Variants in SPAG9 observed in about 807,000 individuals in gnomAD.
SPAG9 encodes the protein sperm associated antigen 9.
SPAG9 carries 35 observed loss-of-function variants against 166.5 expected under a neutral mutation model. The ratio of observed to expected loss-of-function variants is 0.21; its 90% CI spans 0.16 to 0.28. SPAG9 has a LOEUF of 0.28. Among genes scored for constraint, SPAG9 ranks in the 10% least tolerant of loss-of-function variants. SPAG9 has a pLI of 1.00. For missense variants in SPAG9, 1,235 were observed against 1,603.3 expected (o/e 0.77, Z 3.92); for synonymous variants, 534 against 565.5 (o/e 0.94, Z 0.79).
At chr17:50,973,257 G>A (rs1026607925) in intron 28 of SPAG9, among the ~76,000 whole-genome samples, 7 of 152,014 alleles carry the variant, frequency 4.6e-5, no homozygotes, top group African/African-American at 1.7e-4. Flanking sequence ...CAAAAACAGG[G>A]GCAAGAGGAT....
chr17:51,069,693 T>C (rs774053857), intron 2 of SPAG9, among the ~76,000 whole-genome samples: 15 of 152,298 alleles, frequency 9.8e-5, no homozygotes, highest in Non-Finnish European at 2.2e-4. Flanking sequence ...GAGTGCTTAT[T>C]CTTATGACCA....
intron 23 of SPAG9, 85 bp from the exon 24 acceptor site, chr17:50,985,075 C>T (rs551955217): frequency 1.9e-4 from 212 of 1,126,628 alleles, no homozygotes; most frequent in Middle Eastern, 7.9e-4. Flanking sequence ...CAAGGCCTCA[C>T]AAAGGGCCAA....
chr17:51,031,718 C>T lies in SPAG9; in HGVS notation c.746G>A (p.Ser249Asn). ...AGCCTTCTGAGGTTCAGGACTATTG[C>T]TGACCTAGGAAGAGGGAAGATTATA... is the stretch of plus-strand genomic sequence containing the variant. The part of the protein sequence containing the change: ...QPRSHTSLKV[S>N]NSPEPQKAVE... Residue 249 changes from serine (S) to asparagine (N), a missense_variant, in exon 6 of 30, where the codon AGC (serine) becomes AAC (asparagine). By Grantham distance (46) the Ser-to-Asn change is conservative. This residue lies in a region of SPAG9 where 288 missense variants were observed against 323.7 expected (regional missense o/e 0.89). Transcript: ENST00000262013. 6.4e-7 allele frequency: 1 copy of T among 1,550,572 alleles called. No homozygotes were observed. Among genetic ancestry groups the T allele is most frequent in the Non-Finnish European group, 8.7e-7 (1 of 1,146,162 alleles).
At chr17:51,112,996 G>GA (rs200779245) in intron 1 of SPAG9, among the ~76,000 whole-genome samples, 52 of 142,150 alleles carry the variant, frequency 3.7e-4, no homozygotes, top group East Asian at 1.0e-3. Context: ...CCAACCAAAG[G>GA]AAAAAAAAAT....
intron 1 of SPAG9, among the ~76,000 whole-genome samples, chr17:51,112,586 G>A (rs1019440236): frequency 2.8e-5 from 4 of 142,904 alleles, no homozygotes; most frequent in Non-Finnish European, 6.0e-5. Context: ...CAAGAGAATC[G>A]CTTGAACCCA....
intron 2 of SPAG9, among the ~76,000 whole-genome samples, chr17:51,065,750 A>G (rs1023438771): frequency 5.3e-5 from 8 of 152,200 alleles, no homozygotes; most frequent in Non-Finnish European, 1.5e-5. Context: ...ACTTATAGCC[A>G]CTGAAGTAGT....
chr17:51,046,278 T>C (rs1291435594), intron 4 of SPAG9, among the ~76,000 whole-genome samples: 1 of 152,180 alleles, frequency 6.6e-6, no homozygotes, highest in Non-Finnish European at 1.5e-5. Flanking sequence ...TGTGTGTAAG[T>C]ACAATATGAA....
chr17:51,047,549 A>C, intron 3 of SPAG9, 80 bp from the exon 4 acceptor site: 1 of 633,852 alleles, frequency 1.6e-6, no homozygotes, highest in Non-Finnish European at 2.6e-6. Context: ...CAAGGAAAAC[A>C]TTTTGGTACA....
chr17:50,974,760 A>C lies in SPAG9; in HGVS notation c.3700+11T>G, dbSNP rs778493905. 6.3e-6 allele frequency: 10 copies of C among 1,588,698 alleles called. 1 individual carries two copies. In the African/African-American group the frequency reaches 1.1e-4, roughly 17 times the overall value. Reference sequence around the variant, plus strand: ...TTACATGGAACATCTCAACAGAATAATCTAACATACCTGGGACTGCCACAA... The same window carrying C: ...TTACATGGAACATCTCAACAGAATACTCTAACATACCTGGGACTGCCACAA... On this transcript the variant is annotated intron_variant, in intron 28 of 29. Coordinates refer to ENST00000262013, the MANE Select transcript of SPAG9 (RefSeq NM_001130528.3).
At chr17:51,023,550 A>T (rs1026486938) in intron 6 of SPAG9, among the ~76,000 whole-genome samples, 3 of 152,116 alleles carry the variant, frequency 2.0e-5, no homozygotes, top group African/African-American at 7.2e-5. Flanking sequence ...AGAAAGTCAC[A>T]ATTTTTTTAA....
intron 24 of SPAG9, among the ~76,000 whole-genome samples, chr17:50,982,881 G>C (rs555961367): frequency 6.6e-6 from 1 of 152,164 alleles, no homozygotes; most frequent in African/African-American, 2.4e-5. Flanking sequence ...CTGCTTCAAA[G>C]TGCCACCCAG....
intron 28 of SPAG9, among the ~76,000 whole-genome samples, chr17:50,972,784 T>C (rs1973925131): frequency 6.6e-6 from 1 of 152,248 alleles, no homozygotes; most frequent in Non-Finnish European, 1.5e-5. Context: ...AAATCAAGCA[T>C]GCCAGCAATG....
intron 28 of SPAG9, among the ~76,000 whole-genome samples, chr17:50,972,893 G>A (rs953938137): frequency 2.0e-5 from 3 of 152,158 alleles, no homozygotes; most frequent in African/African-American, 7.2e-5. Context: ...AGGGCCAACT[G>A]GCCTCGCAAC....
chr17:51,119,741 A>G (rs1368506709), intron 1 of SPAG9, among the ~76,000 whole-genome samples: 1 of 152,186 alleles, frequency 6.6e-6, no homozygotes, highest in Admixed American at 6.6e-5. Flanking sequence ...TTGGGATACC[A>G]ACGAAATTGT....
chr17:50,981,250 T>G (rs1329949447), intron 25 of SPAG9, among the ~76,000 whole-genome samples: 3 of 152,242 alleles, frequency 2.0e-5, no homozygotes, highest in African/African-American at 7.2e-5. Flanking sequence ...ATAAATAAAT[T>G]TTATGTTTAG....
At chr17:50,975,299 T>C (rs1974132202) in intron 27 of SPAG9, 1 of 228,848 alleles carries the variant, frequency 4.4e-6, no homozygotes, top group Non-Finnish European at 8.5e-6. Flanking sequence ...AAACTAACCA[T>C]TATACAGTTT....
chr17:51,042,920 T>C (rs970826772), intron 4 of SPAG9, among the ~76,000 whole-genome samples: 3 of 152,192 alleles, frequency 2.0e-5, no homozygotes, highest in African/African-American at 7.2e-5. Context: ...TGTTTGTGTC[T>C]TGCTGTGTTG....
Position 51,079,586 on chromosome 17 carries a change from T to G in SPAG9, c.422A>C (p.Gln141Pro). Reference sequence around the variant, plus strand: ...ATGAGAAGAAATGTTTTACTTACTCTGGTCAGCATAGTTTTTCGCTTTCAG... The same window carrying G: ...ATGAGAAGAAATGTTTTACTTACTCGGGTCAGCATAGTTTTTCGCTTTCAG... Reference protein sequence around the residue: ...LELKAKNYADQISRLEEREAE... With the variant: ...LELKAKNYADPISRLEEREAE... The change falls in exon 2 of 30, where the codon CAG becomes CCG. Residue 141 changes from glutamine to proline, a missense_variant and splice_region_variant. Gln to Pro is a moderately conservative substitution (Grantham distance 76, BLOSUM62 -1). Coordinates refer to ENST00000262013, the MANE Select transcript of SPAG9 (RefSeq NM_001130528.3). The G allele has an allele frequency of 6.2e-7, 1 of 1,613,250 alleles. No individual in the cohort carries two copies. Among genetic ancestry groups the G allele is most frequent in the Non-Finnish European group, 8.5e-7 (1 of 1,179,750 alleles).
At chr17:51,106,880 G>C (rs574840921) in intron 1 of SPAG9, among the ~76,000 whole-genome samples, 23 of 151,394 alleles carry the variant, frequency 1.5e-4, no homozygotes, top group East Asian at 1.4e-3. Context: ...GAAGTGTGCA[G>C]ATCACAAGGT....
Sources: allele counts gnomAD v4.1 joint callset (sites outside exome capture counted in the v4.1 genomes callset), GRCh38; gene constraint gnomAD v4.1.1; regional missense constraint gnomAD v4.1.1; transcripts MANE v1.5; gene names NCBI Gene and HGNC (gene_info 2026-07-23, HGNC 2026-07-21).